ARFGEF1: variants seen among roughly 807,000 people sequenced by gnomAD.
ARFGEF1 encodes brefeldin A-inhibited guanine nucleotide-exchange protein 1.
A neutral mutation model predicts 231.0 loss-of-function variants in ARFGEF1; 42 were observed. That is an observed-to-expected ratio of 0.18 (90% CI 0.14 to 0.24). ARFGEF1 has a LOEUF of 0.24. Among genes scored for constraint, ARFGEF1 ranks in the 10% least tolerant of loss-of-function variants. The probability of loss-of-function intolerance (pLI) is 1.00; values close to 1 mark genes in which losing one functional copy is unlikely to be tolerated. For missense variants in ARFGEF1, 1,345 were observed against 2,192.0 expected (o/e 0.61, Z 7.72); for synonymous variants, 710 against 732.3 (o/e 0.97, Z 0.49).
At chr8:67,195,716 A>G (rs188257548), downstream of ARFGEF1, 372 of 696,818 alleles carry the variant, frequency 5.3e-4, no homozygotes, top group African/African-American at 6.1e-3. Context: ...ATCTGTATAT[A>G]AAATTATTTT....
At chr8:67,337,232 A>C (rs758021339) in intron 1 of ARFGEF1, among the ~76,000 whole-genome samples, 18 of 152,072 alleles carry the variant, frequency 1.2e-4, no homozygotes, top group Non-Finnish European at 1.9e-4. Context: ...TCTATCATTA[A>C]AACATTCTAA....
At chr8:67,320,638 C>G (rs1050037200) in intron 1 of ARFGEF1, among the ~76,000 whole-genome samples, 1 of 152,114 alleles carries the variant, frequency 6.6e-6, no homozygotes. Context: ...ACAAACTATA[C>G]GACATCCATA....
intron 37 of ARFGEF1, 71 bp downstream of exon 37, chr8:67,201,396 G>A (rs780482566): frequency 1.1e-5 from 17 of 1,528,042 alleles, no homozygotes; most frequent in South Asian, 9.1e-5. Flanking sequence ...GCATGGTCCC[G>A]CCGGTGCCTC....
At chr8:67,318,946 C>T (rs1807452225) in intron 1 of ARFGEF1, among the ~76,000 whole-genome samples, 1 of 152,158 alleles carries the variant, frequency 6.6e-6, no homozygotes. Context: ...GCCTGAGCAA[C>T]AGAACGAGAC....
At chr8:67,180,950 A>C (rs192297401) in intron 5 of ARFGEF1, among the ~76,000 whole-genome samples, 10 of 151,958 alleles carry the variant, frequency 6.6e-5, no homozygotes, top group Non-Finnish European at 1.5e-4. Flanking sequence ...TCTAGTCTAC[A>C]TATTAGTTGT....
At chr8:67,211,047 A>G (rs1474621445) in intron 34 of ARFGEF1, among the ~76,000 whole-genome samples, 4 of 145,516 alleles carry the variant, frequency 2.7e-5, no homozygotes, top group Non-Finnish European at 6.0e-5. Flanking sequence ...CCGTCTCAAA[A>G]AAAAAAAAAA....
At chr8:67,235,281 A>C (rs1475854362) in intron 22 of ARFGEF1, among the ~76,000 whole-genome samples, 1 of 151,984 alleles carries the variant, frequency 6.6e-6, no homozygotes, top group Non-Finnish European at 1.5e-5. Context: ...TTGTCAAACA[A>C]ATTTACTCAA....
downstream of ARFGEF1, chr8:67,197,644 G>A: frequency 2.0e-6 from 2 of 985,776 alleles, no homozygotes; most frequent in Non-Finnish European, 1.2e-6. Context: ...AAACATGGGG[G>A]TGGGTTATAC....
At position 67,211,506 on chromosome 8, in the gene ARFGEF1, ACTT is replaced by A. The variant is rs1333523101; in HGVS notation, c.4793_4795del (p.Glu1598del). On this transcript the variant is annotated inframe_deletion, in exon 34 of 39. Transcript: ENST00000262215. The stretch of plus-strand genomic sequence containing the variant: ...ACTTGCTGTAGATTTAATTTTGCTG[ACTT>A]CTTCATTAACAGCAGACGCAGAAAC... The A allele has an allele frequency of 3.8e-6, 6 of 1,584,496 alleles. No individual in the cohort carries two copies. The highest frequency in any genetic ancestry group is 3.5e-5 in the South Asian group (3 of 84,568).
At chr8:67,244,269 C>T (rs1438453315) in intron 19 of ARFGEF1, among the ~76,000 whole-genome samples, 1 of 5,130 alleles carries the variant, frequency 1.9e-4, no homozygotes, top group African/African-American at 1.5e-3. Context: ...AAAAAAAAAA[C>T]ATTCGACTAC....
chr8:67,205,585 G>A (rs745838572), intron 34 of ARFGEF1, among the ~76,000 whole-genome samples: 16 of 152,130 alleles, frequency 1.1e-4, no homozygotes, highest in African/African-American at 3.1e-4. Flanking sequence ...GGCTGGGCAC[G>A]GTGGCTCATG....
At chr8:67,281,913 G>A (rs932777690) in intron 7 of ARFGEF1, among the ~76,000 whole-genome samples, 1 of 152,064 alleles carries the variant, frequency 6.6e-6, no homozygotes, top group East Asian at 1.9e-4. Flanking sequence ...CCTGAATGAC[G>A]TAAAAGACTT....
chr8:67,238,533 A>T (rs1839837036), intron 21 of ARFGEF1, 40 bp from the exon 22 acceptor site: 1 of 1,562,134 alleles, frequency 6.4e-7, no homozygotes, highest in African/African-American at 1.4e-5. Flanking sequence ...ATTCCATGTT[A>T]AAAATATCTT....
chr8:67,234,912 C>T (rs981141580), intron 22 of ARFGEF1, among the ~76,000 whole-genome samples: 15 of 151,858 alleles, frequency 9.9e-5, no homozygotes, highest in African/African-American at 3.6e-4. Flanking sequence ...TCAAGGCAAA[C>T]TTGACACGCA....
At chr8:67,318,401 G>T (rs978137439) in intron 1 of ARFGEF1, among the ~76,000 whole-genome samples, 1 of 151,990 alleles carries the variant, frequency 6.6e-6, no homozygotes, top group African/African-American at 2.4e-5. Flanking sequence ...ACAAAACCAA[G>T]AGCTGGTTGG....
intron 34 of ARFGEF1, among the ~76,000 whole-genome samples, chr8:67,209,755 T>C (rs1838656087): frequency 1.3e-5 from 2 of 152,032 alleles, no homozygotes. Context: ...AGGTGACCTG[T>C]GGATCCCTGT....
At chr8:67,299,152 A>G (rs527998159) in intron 4 of ARFGEF1, 57 bp downstream of exon 4, 1 of 1,404,134 alleles carries the variant, frequency 7.1e-7, no homozygotes, top group East Asian at 2.5e-5. Context: ...GGTGAAAGGC[A>G]TCTGAATTTT....
rs188738363 is a variant in ARFGEF1 at position 67,179,807 on chromosome 8, T to G, written c.561-4235A>C. ...CTTGTGCCTCTTCTTAGTATAAATT[T>G]GTTGTTTTTGTACACAAAACTAATA... On this transcript the variant is annotated intron_variant, in intron 5 of 5. Coordinates refer to the ARFGEF1 transcript ENST00000518789. The G allele has an allele frequency of 5.7e-3, 6,807 of 1,192,720 alleles. 29 individuals carry two copies. The highest frequency in any genetic ancestry group is 7.3e-3 in the Non-Finnish European group (5,892 of 804,980). The allele number at this position is 1,192,720 out of a possible 1,614,324, so 73.9% of individuals were successfully genotyped here.
chr8:67,238,689 T>C (rs1398339491), intron 21 of ARFGEF1, 46 bp downstream of exon 21: 54 of 1,592,592 alleles, frequency 3.4e-5, no homozygotes, highest in Non-Finnish European at 4.6e-5. Context: ...TAGCATTAGC[T>C]CATTTTATAA....
Sources: gnomAD v4.1 joint callset for allele counts (sites outside exome capture counted in the v4.1 genomes callset) on GRCh38, gnomAD v4.1.1 for gene constraint, MANE v1.5 for transcripts, NCBI Gene and HGNC (gene_info 2026-07-23, HGNC 2026-07-21) for gene names.